The following CADM2 variants were observed in gnomAD, a reference collection of about 807,000 sequenced individuals.
The protein encoded by CADM2 is cell adhesion molecule 2, also known as immunoglobulin superfamily member 4D.
A neutral mutation model predicts 49.8 loss-of-function variants in CADM2; 12 were observed. The observed-to-expected ratio is 0.24, with a 90% confidence interval of 0.15 to 0.39. CADM2 has a LOEUF of 0.39. Among genes scored for constraint, CADM2 ranks in the 10% least tolerant of loss-of-function variants. CADM2 has a pLI of 1.00. For missense variants in CADM2, 378 were observed against 492.3 expected, an observed-to-expected ratio of 0.77 and a Z score of 2.20; for synonymous variants, 214 against 175.4, an observed-to-expected ratio of 1.22 and a Z score of -1.74.
intron 7 of CADM2, among the ~76,000 whole-genome samples, chr3:85,944,302 G>C (rs1722359639): frequency 6.6e-6 from 1 of 152,004 alleles, no homozygotes; most frequent in Non-Finnish European, 1.5e-5. Context: ...AAGAGACTTA[G>C]ACTCCCACAC....
intron 1 of CADM2, among the ~76,000 whole-genome samples, chr3:85,258,635 A>C (rs2042943582): frequency 6.6e-6 from 1 of 152,116 alleles, no homozygotes; most frequent in South Asian, 2.1e-4. Flanking sequence ...TACCGTATCC[A>C]TTAAAATCTA....
rs1434220639 is a variant in CADM2 at position 85,618,343 on chromosome 3, GGAGA to G, written c.62-108178_62-108175del. 2.6e-5 allele frequency among the ~76,000 whole-genome samples: 4 copies of G among 152,204 alleles called. No individual in the cohort carries two copies. The East Asian group carries it at 7.7e-4, about 29-fold the overall frequency. ...ACAGCCCAAGACTAGGTATGGTAGG[GGAGA>G]CAAATTGGCCTTTGCAGCTTCCATT... On this transcript the variant is annotated intron_variant, in intron 1 of 9. Transcript: ENST00000383699.
chr3:85,298,016 G>C (rs1287951374), intron 1 of CADM2, among the ~76,000 whole-genome samples: 5 of 151,976 alleles, frequency 3.3e-5, no homozygotes, highest in Non-Finnish European at 5.9e-5. Context: ...CTGGGTAACT[G>C]TTACTCAAAA....
intron 1 of CADM2, among the ~76,000 whole-genome samples, chr3:85,150,901 G>A (rs1400614782): frequency 1.3e-5 from 2 of 149,126 alleles, no homozygotes; most frequent in African/African-American, 2.5e-5. Flanking sequence ...AATGCGAGAC[G>A]CTGTTTCAAA....
chr3:85,840,745 T>C (rs1008381399), intron 3 of CADM2, among the ~76,000 whole-genome samples: 1 of 151,904 alleles, frequency 6.6e-6, no homozygotes, highest in African/African-American at 2.4e-5. Context: ...ATTAATGCAA[T>C]TTTAACATGC....
At chr3:85,494,518 T>C (rs2039804801) in intron 1 of CADM2, among the ~76,000 whole-genome samples, 1 of 152,146 alleles carries the variant, frequency 6.6e-6, no homozygotes, top group Non-Finnish European at 1.5e-5. Flanking sequence ...GTTCACTCCA[T>C]AAATGCTTGT....
At chr3:85,630,256 T>A (rs1239768886) in intron 1 of CADM2, among the ~76,000 whole-genome samples, 2 of 152,028 alleles carry the variant, frequency 1.3e-5, no homozygotes, top group African/African-American at 2.4e-5. Context: ...GTTTTCCCAG[T>A]ATCCTGAGAT....
At chr3:85,528,341 C>T (rs1419226406) in intron 1 of CADM2, among the ~76,000 whole-genome samples, 1 of 152,148 alleles carries the variant, frequency 6.6e-6, no homozygotes, top group African/African-American at 2.4e-5. Flanking sequence ...CTCACATGCA[C>T]ACGTGCACAC....
At chr3:85,597,681 G>T (rs1027677474) in intron 1 of CADM2, among the ~76,000 whole-genome samples, 6 of 151,982 alleles carry the variant, frequency 3.9e-5, no homozygotes, top group Non-Finnish European at 7.4e-5. Flanking sequence ...TGAATCAGAG[G>T]ACATTTTTGT....
chr3:85,366,387 A>C (rs1559802619), intron 1 of CADM2, among the ~76,000 whole-genome samples: 1 of 152,200 alleles, frequency 6.6e-6, no homozygotes, highest in Non-Finnish European at 1.5e-5. Flanking sequence ...CAGAAGCCCA[A>C]ACCATGTTAA....
chr3:85,916,339 A>G (rs1299421711), intron 6 of CADM2, among the ~76,000 whole-genome samples: 1 of 109,246 alleles, frequency 9.2e-6, no homozygotes, highest in Non-Finnish European at 1.7e-5. Context: ...ACCCCACAAC[A>G]TGCCCCAGTG....
chr3:85,182,673 G>T (rs2040965196), intron 1 of CADM2, among the ~76,000 whole-genome samples: 1 of 152,030 alleles, frequency 6.6e-6, no homozygotes, highest in South Asian at 2.1e-4. Flanking sequence ...GGGAAACTGG[G>T]TGAATAGTTT....
chr3:85,824,117 G>A (rs2073769221), intron 3 of CADM2, among the ~76,000 whole-genome samples: 1 of 152,132 alleles, frequency 6.6e-6, no homozygotes. Context: ...AGAAATAGTG[G>A]ATAGTTTATT....
intron 1 of CADM2, among the ~76,000 whole-genome samples, chr3:85,530,433 C>G: frequency 9.9e-6 from 1 of 100,620 alleles, no homozygotes. Flanking sequence ...CGGGTTCACG[C>G]CATTCTCCTG....
chr3:85,760,048 A>T (rs1443487158), intron 2 of CADM2, among the ~76,000 whole-genome samples: 1 of 152,154 alleles, frequency 6.6e-6, no homozygotes, highest in Admixed American at 6.6e-5. Flanking sequence ...ATCAAGTATT[A>T]GAAGGACCTT....
chr3:85,754,980 A>G (rs1488024356), intron 2 of CADM2, among the ~76,000 whole-genome samples: 1 of 152,342 alleles, frequency 6.6e-6, no homozygotes, highest in East Asian at 1.9e-4. Context: ...GATTCTTTTC[A>G]GTTGCAAGTT....
chr3:85,744,079 A>C lies in CADM2; in HGVS notation c.88+17531A>C, dbSNP rs140071468. Reference sequence around the variant, plus strand: ...TGAGTAGACATTCTAGTCATGTTTAAAGGTGATTAGTACTATGAAGAAAAC... The same window carrying C: ...TGAGTAGACATTCTAGTCATGTTTACAGGTGATTAGTACTATGAAGAAAAC... On this transcript the variant is annotated intron_variant, in intron 2 of 9. Transcript: ENST00000383699. Among the ~76,000 whole-genome samples the C allele has an allele frequency of 1.5e-3, 226 of 152,254 alleles. 1 individual carries two copies. Among genetic ancestry groups the C allele is most frequent in the African/African-American group, 5.4e-3 (223 of 41,546 alleles).
At chr3:85,407,562 A>G (rs2035444904) in intron 1 of CADM2, among the ~76,000 whole-genome samples, 1 of 152,184 alleles carries the variant, frequency 6.6e-6, no homozygotes, top group Admixed American at 6.5e-5. Context: ...TGTTCCCTTT[A>G]CCAAATCATT....
At chr3:85,304,091 T>C (rs2044161419) in intron 1 of CADM2, among the ~76,000 whole-genome samples, 1 of 151,856 alleles carries the variant, frequency 6.6e-6, no homozygotes, top group African/African-American at 2.4e-5. Flanking sequence ...TAGCTCTACA[T>C]TGTAAACTCT....
Sources: gnomAD v4.1 joint callset for allele counts (sites outside exome capture counted in the v4.1 genomes callset) on GRCh38, gnomAD v4.1.1 for gene constraint, MANE v1.5 for transcripts, NCBI Gene and HGNC (gene_info 2026-07-23, HGNC 2026-07-21) for gene names.